The following ANKRD30B variants were observed in gnomAD, a reference collection of about 807,000 sequenced individuals.
The protein encoded by ANKRD30B is ankyrin repeat domain 30B, also known as ankyrin repeat domain-containing protein 30B.
Under a neutral mutation model 202.2 loss-of-function variants are expected in ANKRD30B, and 144 were observed. That is an observed-to-expected ratio of 0.71 (90% CI 0.62 to 0.82). ANKRD30B has a LOEUF of 0.82. ANKRD30B is among the 40% of genes least tolerant of loss of function. The probability of loss-of-function intolerance (pLI) is 0.00; values close to 1 mark genes in which losing one functional copy is unlikely to be tolerated. For missense variants in ANKRD30B, 1,487 were observed against 1,669.1 expected (o/e 0.89, Z 1.90); for synonymous variants, 508 against 561.3 (o/e 0.91, Z 1.34).
chr18:14,931,959 CCTT>C, the ANKRD30B span, among the ~76,000 whole-genome samples: 34 of 18,202 alleles, frequency 1.9e-3, 1 homozygote, highest in Non-Finnish European at 2.1e-3. Flanking sequence ...CCTCCCTCCT[CCTT>C]CCTCCCTCCT....
At chr18:14,766,518 G>GAAAAGAAAAGAAAAGAA (rs1479071497) in intron 7 of ANKRD30B, among the ~76,000 whole-genome samples, 4 of 116,342 alleles carry the variant, frequency 3.4e-5, no homozygotes, top group Non-Finnish European at 7.6e-5. Context: ...GAAAAGAAAA[G>GAAAAGAAAAGAAAAGAA]AAAATTGTCA....
At chr18:14,839,826 G>C (rs1002350358) in intron 36 of ANKRD30B, among the ~76,000 whole-genome samples, 3 of 151,902 alleles carry the variant, frequency 2.0e-5, no homozygotes, top group Admixed American at 1.3e-4. Context: ...TTCCTACTTC[G>C]CACGACATAC....
chr18:14,760,450 A>G lies in ANKRD30B; in HGVS notation c.756-104A>G, dbSNP rs535328076. 254 of 625,888 alleles carry G rather than the reference A, an allele frequency of 4.1e-4. 1 individual carries two copies. In the African/African-American group the frequency reaches 4.5e-3, roughly 11 times the overall value. 38.8% of individuals were successfully genotyped at this position (625,888 alleles called of 1,614,324 possible). On this transcript the variant is annotated intron_variant, in intron 5 of 43. Coordinates refer to ENST00000690538, the MANE Select transcript of ANKRD30B (RefSeq NM_001367607.2). Reference sequence around the variant, plus strand: ...GTGAAATAAGTAACATTCTGATGTTAGCTCTGATATTGTCTGAAATACTCT... The same window carrying G: ...GTGAAATAAGTAACATTCTGATGTTGGCTCTGATATTGTCTGAAATACTCT...
the ANKRD30B span, among the ~76,000 whole-genome samples, chr18:14,873,552 A>T: frequency 0.52 from 76,420 of 146,508 alleles, 20,220 homozygotes; most frequent in African/African-American, 0.55. Context: ...AAAAGAGAGA[A>T]TTTGGGCTTT....
At chr18:14,764,680 G>A (rs1567987718) in intron 7 of ANKRD30B, among the ~76,000 whole-genome samples, 1 of 152,134 alleles carries the variant, frequency 6.6e-6, no homozygotes, top group Non-Finnish European at 1.5e-5. Context: ...GAGCTACTGC[G>A]CCCAGTCAGG....
Position 14,778,081 on chromosome 18 carries a change from A to G in ANKRD30B, c.1420+6A>G. 1 of 1,519,678 alleles carries G rather than the reference A, an allele frequency of 6.6e-7. No individual in the cohort carries two copies. The highest frequency in any genetic ancestry group is 8.9e-7 in the Non-Finnish European group (1 of 1,120,122). The allele number at this position is 1,519,678 out of a possible 1,614,324, so 94.1% of individuals were successfully genotyped here. A position where few individuals can be genotyped will look rare whatever the true frequency, so the allele number is the denominator to read the frequency against. ...AATAAATCACAAAATAGAAGGTAAG[A>G]ACCATTTTTTATTTAAAACATCTTT... On this transcript the variant is annotated splice_donor_region_variant and intron_variant, in intron 10 of 43. Coordinates refer to ENST00000690538, the MANE Select transcript of ANKRD30B (RefSeq NM_001367607.2).
At chr18:14,910,121 T>C in the ANKRD30B span, 1 of 152,046 alleles carries the variant, frequency 6.6e-6, no homozygotes, top group African/African-American at 2.4e-5. Context: ...ATTTAGGGAG[T>C]CTAAGTACAG....
chr18:14,900,554 C>G, the ANKRD30B span, among the ~76,000 whole-genome samples: 2 of 151,990 alleles, frequency 1.3e-5, no homozygotes, highest in South Asian at 4.2e-4. Context: ...CATTTTTCTC[C>G]CCAACTTACT....
At chr18:14,938,731 A>C in the ANKRD30B span, among the ~76,000 whole-genome samples, 1 of 152,194 alleles carries the variant, frequency 6.6e-6, no homozygotes, top group Non-Finnish European at 1.5e-5. Flanking sequence ...ATGAGGCGTA[A>C]GCATATTGAA....
In ANKRD30B at chr18:14,764,093, A is replaced by G. The variant is rs770345738; in HGVS notation, c.1225+3A>G. On this transcript the variant is annotated splice_donor_region_variant and intron_variant, in intron 7 of 43. Transcript: ENST00000690538. ...ATCTACAAAAGCAAGTACAAATGGT[A>G]AGATGCTTGAGTGAACTTTGCAGGG... The G allele has an allele frequency of 1.9e-5, 29 of 1,504,206 alleles. No individual in the cohort carries two copies. The highest frequency in any genetic ancestry group is 9.9e-5 in the Admixed American group (4 of 40,374). The allele number at this position is 1,504,206 out of a possible 1,614,324, so 93.2% of individuals were successfully genotyped here.
chr18:14,910,110 T>A, the ANKRD30B span: 1 of 152,196 alleles, frequency 6.6e-6, no homozygotes, highest in Non-Finnish European at 1.5e-5. Flanking sequence ...ATTTTTAATA[T>A]ATTTAGGGAG....
the ANKRD30B span, among the ~76,000 whole-genome samples, chr18:14,923,128 G>C: frequency 4.6e-5 from 7 of 152,150 alleles, no homozygotes; most frequent in Non-Finnish European, 8.8e-5. Flanking sequence ...GTAGACTGTG[G>C]GCCTTGGGTG....
chr18:14,911,397 A>G, the ANKRD30B span, among the ~76,000 whole-genome samples: 6 of 152,216 alleles, frequency 3.9e-5, no homozygotes, highest in Middle Eastern at 3.4e-3. Context: ...TCTCCAGTGT[A>G]TATGTATTTT....
chr18:14,760,646 T>C (rs1915106054), intron 6 of ANKRD30B, 28 bp downstream of exon 6: 1 of 1,458,904 alleles, frequency 6.9e-7, no homozygotes, highest in Non-Finnish European at 9.3e-7. Context: ...AAACTACTCT[T>C]GATGGTGCTA....
chr18:14,809,084 TCCCGTGGTGCCA>T (rs1175163999), intron 26 of ANKRD30B, among the ~76,000 whole-genome samples: 1 of 144,788 alleles, frequency 6.9e-6, no homozygotes, highest in African/African-American at 2.6e-5. Flanking sequence ...AGCCTTGTGT[TCCCGTGGTGCCA>T]ACAATTCACT....
intron 7 of ANKRD30B, among the ~76,000 whole-genome samples, chr18:14,764,831 T>C (rs1194734740): frequency 6.6e-6 from 1 of 152,202 alleles, no homozygotes; most frequent in Non-Finnish European, 1.5e-5. Context: ...ATAATCTTCC[T>C]GTAACATTTT....
the ANKRD30B span, among the ~76,000 whole-genome samples, chr18:14,884,479 C>T: frequency 3.3e-5 from 5 of 151,750 alleles, no homozygotes; most frequent in African/African-American, 1.2e-4. Context: ...ATTTGTTACA[C>T]AGCAATAGAT....
In ANKRD30B at chr18:14,763,910, A is replaced by G; in HGVS notation, c.1045A>G (p.Lys349Glu). ...ILRPTKETSE[K>E]FSWPAKERSR... ...GAGGCCTACAAAAGAAACATCTGAG[A>G]AATTTTCATGGCCAGCAAAAGAAAG... is the stretch of plus-strand genomic sequence containing the variant. The change falls in exon 7 of 44, where the codon AAA (lysine) becomes GAA (glutamate). Residue 349 changes from lysine to glutamate, a missense_variant. Physicochemically the swap from Lys to Glu is moderately conservative, Grantham distance 56 (BLOSUM62 1). Coordinates refer to ENST00000690538, the MANE Select transcript of ANKRD30B (RefSeq NM_001367607.2). 1 of 1,611,736 alleles carries G rather than the reference A, an allele frequency of 6.2e-7. No individual in the cohort carries two copies. Among genetic ancestry groups the G allele is most frequent in the Non-Finnish European group, 8.5e-7 (1 of 1,178,768 alleles).
chr18:14,761,456 G>A (rs1446564926), intron 6 of ANKRD30B, among the ~76,000 whole-genome samples: 1 of 126,024 alleles, frequency 7.9e-6, no homozygotes, highest in African/African-American at 2.6e-5. Context: ...CTGCCCATGG[G>A]TGATCAAAGG....
Sources: gnomAD v4.1 joint callset for allele counts (sites outside exome capture counted in the v4.1 genomes callset) on GRCh38, gnomAD v4.1.1 for gene constraint, MANE v1.5 for transcripts, NCBI Gene and HGNC (gene_info 2026-07-23, HGNC 2026-07-21) for gene names.